The following DPP6 variants were observed in gnomAD, a reference collection of about 807,000 sequenced individuals.
DPP6 encodes the protein dipeptidyl peptidase like 6.
DPP6 carries 69 observed loss-of-function variants against 122.6 expected under a neutral mutation model. That is an observed-to-expected ratio of 0.56 (90% CI 0.46 to 0.69). The LOEUF (loss-of-function observed/expected upper bound fraction) is 0.69. Among genes scored for constraint, DPP6 ranks in the 30% least tolerant of loss-of-function variants. DPP6 has a pLI of 0.00. For synonymous variants in DPP6, 418 were observed against 433.1 expected, an observed-to-expected ratio of 0.97 and a Z score of 0.43; for missense variants, 928 against 1,116.9, an observed-to-expected ratio of 0.83 and a Z score of 2.41.
chr7:154,177,836 G>A (rs2150740867), intron 1 of DPP6, among the ~76,000 whole-genome samples: 1 of 152,332 alleles, frequency 6.6e-6, no homozygotes, highest in East Asian at 1.9e-4. Context: ...CATGGTGGAT[G>A]TGAAATTAAA....
chr7:154,376,708 T>A (rs1035100615), intron 1 of DPP6, among the ~76,000 whole-genome samples: 3 of 152,224 alleles, frequency 2.0e-5, no homozygotes, highest in Non-Finnish European at 2.9e-5. Context: ...AGCAGATCTG[T>A]CTACCCACTG....
intron 1 of DPP6, among the ~76,000 whole-genome samples, chr7:154,109,441 A>G (rs1326576642): frequency 6.6e-6 from 1 of 151,904 alleles, no homozygotes; most frequent in Non-Finnish European, 1.5e-5. Context: ...TGGGGCACCC[A>G]CCACCATGCC....
intron 1 of DPP6, among the ~76,000 whole-genome samples, chr7:154,023,320 A>ACGCACGCG (rs372465221): frequency 4.7e-5 from 6 of 127,766 alleles, no homozygotes; most frequent in Non-Finnish European, 5.0e-5. Context: ...TCTTGTCTGC[A>ACGCACGCG]CACACACACA....
At chr7:154,873,066 C>T (rs1427651217) in intron 19 of DPP6, among the ~76,000 whole-genome samples, 3 of 152,250 alleles carry the variant, frequency 2.0e-5, no homozygotes, top group Non-Finnish European at 4.4e-5. Context: ...CACCCTGAGC[C>T]CGTGGGTCTC....
intron 3 of DPP6, among the ~76,000 whole-genome samples, chr7:154,538,002 T>C (rs1828402076): frequency 6.6e-6 from 1 of 151,724 alleles, no homozygotes; most frequent in Admixed American, 6.6e-5. Context: ...TATAAATTAC[T>C]GAGGAACACA....
At chr7:154,709,857 C>T (rs1841067757) in intron 7 of DPP6, among the ~76,000 whole-genome samples, 1 of 152,100 alleles carries the variant, frequency 6.6e-6, no homozygotes, top group Non-Finnish European at 1.5e-5. Context: ...TGACATGAAC[C>T]CATGGAAGGC....
chr7:153,964,997 TTTCTTC>T (rs1795615356), intron 1 of DPP6, among the ~76,000 whole-genome samples: 1 of 53,610 alleles, frequency 1.9e-5, no homozygotes, highest in Non-Finnish European at 3.6e-5. Context: ...CCTTCCTTCC[TTTCTTC>T]CTTCCTTCCT....
chr7:154,358,485 C>T (rs778575074), intron 1 of DPP6, among the ~76,000 whole-genome samples: 5 of 152,132 alleles, frequency 3.3e-5, no homozygotes, highest in Non-Finnish European at 7.4e-5. Flanking sequence ...ACCCTAAAAA[C>T]AGCAACAAGT....
chr7:154,290,687 TG>T, intron 1 of DPP6, among the ~76,000 whole-genome samples: 1 of 152,162 alleles, frequency 6.6e-6, no homozygotes, highest in South Asian at 2.1e-4. Context: ...ATGACTCATT[TG>T]TATGTGATGT....
the DPP6 span, among the ~76,000 whole-genome samples, chr7:153,846,934 G>A: frequency 1.5e-4 from 23 of 151,984 alleles, no homozygotes; most frequent in Admixed American, 2.0e-4. Context: ...TGATCCGCCC[G>A]CCTCGGCCTC....
At chr7:154,412,326 A>G (rs1048271594) in intron 1 of DPP6, among the ~76,000 whole-genome samples, 2 of 152,206 alleles carry the variant, frequency 1.3e-5, no homozygotes, top group Non-Finnish European at 2.9e-5. Context: ...CCAAAGGCAA[A>G]TGAACCCAGC....
the DPP6 span, among the ~76,000 whole-genome samples, chr7:153,762,712 G>A: frequency 7.2e-5 from 11 of 152,118 alleles, no homozygotes; most frequent in Non-Finnish European, 1.3e-4. Flanking sequence ...CCCGGGAGGT[G>A]GAGGTTGCGG....
chr7:153,826,854 G>GCACA, the DPP6 span, among the ~76,000 whole-genome samples: 2 of 151,850 alleles, frequency 1.3e-5, no homozygotes, highest in East Asian at 1.9e-4. Flanking sequence ...ATATATATAT[G>GCACA]CACACACACA....
chr7:153,888,436 G>C (rs1178651286), intron 1 of DPP6, among the ~76,000 whole-genome samples: 2 of 152,150 alleles, frequency 1.3e-5, no homozygotes, highest in Admixed American at 1.3e-4. Context: ...CTAAGTGGAG[G>C]ACCCGGCGAT....
chr7:154,291,518 T>G (rs1215990341), intron 1 of DPP6, among the ~76,000 whole-genome samples: 1 of 152,192 alleles, frequency 6.6e-6, no homozygotes, highest in Non-Finnish European at 1.5e-5. Flanking sequence ...TCTCTACCTC[T>G]GGAATGTGCA....
At position 154,820,272 on chromosome 7, in the gene DPP6, A is replaced by G. The variant is rs533333258; in HGVS notation, c.1666+13160A>G. Among the ~76,000 whole-genome samples, 9 of 152,300 alleles carry G rather than the reference A, an allele frequency of 5.9e-5. No individual in the cohort carries two copies. In the East Asian group the frequency reaches 1.5e-3, roughly 26 times the overall value. On this transcript the variant is annotated intron_variant, in intron 16 of 25. Coordinates refer to ENST00000377770, the MANE Select transcript of DPP6 (RefSeq NM_130797.4). Reference sequence around the variant, plus strand: ...AAATCCCTGGAGAAGCATTTTAAAGATCTTGTCCATCTGCTGCAGCCAGAC... The same window carrying G: ...AAATCCCTGGAGAAGCATTTTAAAGGTCTTGTCCATCTGCTGCAGCCAGAC...
Position 154,244,951 on chromosome 7 carries a change from C to CTT in DPP6, c.243+191904_243+191905dup, listed in dbSNP as rs745446498. Among the ~76,000 whole-genome samples the CTT allele has an allele frequency of 2.4e-3, 314 of 133,188 alleles. 3 individuals carry two copies. Among genetic ancestry groups the CTT allele is most frequent in the East Asian group, 0.02 (90 of 4,486 alleles). The allele number at this position is 133,188 out of a possible 152,430, so 87.4% of individuals were successfully genotyped here. A position where few individuals can be genotyped will look rare whatever the true frequency, so the allele number is the denominator to read the frequency against. On this transcript the variant is annotated intron_variant, in intron 1 of 25. Transcript: ENST00000377770. ...AGACATAACTGTATATCTAAAGGGACTTTTTTTTTTTTTTTTTGAGTTAGG... is the reference window on the plus strand; with the variant it reads ...AGACATAACTGTATATCTAAAGGGACTTTTTTTTTTTTTTTTTTTGAGTTAGG...
intron 6 of DPP6, among the ~76,000 whole-genome samples, chr7:154,656,997 G>A (rs182291370): frequency 9.0e-6 from 1 of 111,254 alleles, no homozygotes; most frequent in Non-Finnish European, 1.8e-5. Context: ...GAGAGGCTGC[G>A]TGGGAGGAGG....
intron 1 of DPP6, among the ~76,000 whole-genome samples, chr7:154,249,806 C>G (rs1338093204): frequency 1.3e-5 from 2 of 152,080 alleles, no homozygotes; most frequent in Non-Finnish European, 2.9e-5. Flanking sequence ...AATTTTGTCT[C>G]AGATCCTCTA....
Sources: gnomAD v4.1 joint callset for allele counts (sites outside exome capture counted in the v4.1 genomes callset) on GRCh38, gnomAD v4.1.1 for gene constraint, MANE v1.5 for transcripts, NCBI Gene and HGNC (gene_info 2026-07-23, HGNC 2026-07-21) for gene names.